Variants in C1QTNF3 observed in about 807,000 individuals in gnomAD.
C1QTNF3 encodes the protein complement C1q tumor necrosis factor-related protein 3.
C1QTNF3 carries 26 observed loss-of-function variants against 32.6 expected under a neutral mutation model. The observed-to-expected ratio is 0.80, with a 90% CI of 0.58 to 1.11. The LOEUF (loss-of-function observed/expected upper bound fraction) is 1.11, where lower values mean the gene tolerates loss of function less well. Ranked by LOEUF, C1QTNF3 falls within the 50% of genes least tolerant of loss-of-function variation. The probability of loss-of-function intolerance (pLI) is 0.00; values close to 1 mark genes in which losing one functional copy is unlikely to be tolerated. For missense variants in C1QTNF3, 362 were observed against 398.2 expected, an observed-to-expected ratio of 0.91 and a Z score of 0.77; for synonymous variants, 155 against 146.0, an observed-to-expected ratio of 1.06 and a Z score of -0.44.
the C1QTNF3 span, among the ~76,000 whole-genome samples, chr5:34,217,678 T>C: frequency 6.6e-6 from 1 of 152,126 alleles, no homozygotes; most frequent in African/African-American, 2.4e-5. Context: ...CAGCTAAAGT[T>C]GGGATTATGT....
the C1QTNF3 span, among the ~76,000 whole-genome samples, chr5:34,109,899 C>T: frequency 6.6e-6 from 1 of 152,410 alleles, no homozygotes; most frequent in African/African-American, 2.4e-5. Context: ...GTCTGCACTT[C>T]CTCACGGTAT....
At chr5:34,159,258 A>T in the C1QTNF3 span, among the ~76,000 whole-genome samples, 1 of 152,128 alleles carries the variant, frequency 6.6e-6, no homozygotes, top group Admixed American at 6.5e-5. Flanking sequence ...AAAAACATAC[A>T]ATAATAGCAA....
At chr5:34,224,724 T>C in the C1QTNF3 span, among the ~76,000 whole-genome samples, 1 of 152,104 alleles carries the variant, frequency 6.6e-6, no homozygotes, top group South Asian at 2.1e-4. Flanking sequence ...GGCATTACCA[T>C]TCAGGACATA....
At chr5:34,172,560 C>T in the C1QTNF3 span, among the ~76,000 whole-genome samples, 1 of 152,090 alleles carries the variant, frequency 6.6e-6, no homozygotes, top group Non-Finnish European at 1.5e-5. Flanking sequence ...CCTCTATGCA[C>T]CTAAGATTCA....
At chr5:34,183,614 G>A in the C1QTNF3 span, among the ~76,000 whole-genome samples, 1 of 150,866 alleles carries the variant, frequency 6.6e-6, no homozygotes, top group East Asian at 2.0e-4. Flanking sequence ...TATTATTAAC[G>A]AATTGCTTCC....
chr5:34,079,402 T>C, the C1QTNF3 span, among the ~76,000 whole-genome samples: 7 of 151,742 alleles, frequency 4.6e-5, no homozygotes, highest in South Asian at 1.5e-3. Flanking sequence ...TTCATATTTT[T>C]TTCATAGTGG....
the C1QTNF3 span, chr5:34,158,111 T>G: frequency 5.3e-5 from 8 of 149,898 alleles, no homozygotes; most frequent in Admixed American, 5.3e-4. Context: ...CTTTTCTTTT[T>G]TTTTTTTTTT....
At chr5:34,213,841 C>T in the C1QTNF3 span, among the ~76,000 whole-genome samples, 2 of 29,576 alleles carry the variant, frequency 6.8e-5, no homozygotes, top group Admixed American at 6.4e-4. Flanking sequence ...GATGGAGTTT[C>T]GCTCTTGCTG....
At chr5:34,163,478 T>C in the C1QTNF3 span, among the ~76,000 whole-genome samples, 1 of 102,166 alleles carries the variant, frequency 9.8e-6, no homozygotes. Context: ...TTTATTATGA[T>C]TGATTATTTT....
At chr5:34,174,892 C>T in the C1QTNF3 span, among the ~76,000 whole-genome samples, 5 of 151,402 alleles carry the variant, frequency 3.3e-5, no homozygotes, top group African/African-American at 4.8e-5. Context: ...GGACTACAGG[C>T]GCCCACCACC....
chr5:34,116,292 A>AT, the C1QTNF3 span, among the ~76,000 whole-genome samples: 2 of 152,132 alleles, frequency 1.3e-5, no homozygotes, highest in Non-Finnish European at 2.9e-5. Flanking sequence ...GTGCACTTTA[A>AT]AAAAGTATGC....
the C1QTNF3 span, among the ~76,000 whole-genome samples, chr5:34,083,889 A>G: frequency 6.6e-6 from 1 of 151,918 alleles, no homozygotes; most frequent in Non-Finnish European, 1.5e-5. Context: ...TTCCATCACA[A>G]TATTTTCACT....
chr5:34,217,616 T>G, the C1QTNF3 span, among the ~76,000 whole-genome samples: 2 of 152,128 alleles, frequency 1.3e-5, no homozygotes, highest in African/African-American at 4.8e-5. Flanking sequence ...CGGCTTATGT[T>G]AATACAGCTA....
intron 4 of C1QTNF3, among the ~76,000 whole-genome samples, chr5:34,025,250 C>T (rs979764786): frequency 6.6e-6 from 1 of 152,134 alleles, no homozygotes; most frequent in Non-Finnish European, 1.5e-5. Context: ...TCACATTTTA[C>T]AAAATTTCCT....
At chr5:34,089,655 C>T in the C1QTNF3 span, among the ~76,000 whole-genome samples, 6 of 152,198 alleles carry the variant, frequency 3.9e-5, no homozygotes, top group African/African-American at 1.4e-4. Flanking sequence ...CTATAGCGTT[C>T]TGCACAGACT....
At chr5:34,190,587 C>A in the C1QTNF3 span, 251,476 of 653,868 alleles carry the variant, frequency 0.38, 61,877 homozygotes, top group African/African-American at 0.77. Context: ...CACTCGCCCC[C>A]AGGGGTGGCT....
the C1QTNF3 span, among the ~76,000 whole-genome samples, chr5:34,132,435 G>GTATA: frequency 0.03 from 4,124 of 136,924 alleles, 98 homozygotes; most frequent in African/African-American, 0.041. Context: ...GTATGTGTAT[G>GTATA]TATATATATA....
chr5:34,035,470 C>A (rs538492608), intron 2 of C1QTNF3, among the ~76,000 whole-genome samples, 177 bp downstream of exon 2: 30 of 152,232 alleles, frequency 2.0e-4, no homozygotes, highest in African/African-American at 6.8e-4. Flanking sequence ...CTGGTCGTTT[C>A]GGACTCAATG....
the C1QTNF3 span, chr5:34,124,251 A>G: frequency 1.4e-5 from 7 of 492,214 alleles, no homozygotes; most frequent in African/African-American, 1.4e-4. Flanking sequence ...GAAAGCTGGT[A>G]AACTTTTTAG....
Sources: allele counts gnomAD v4.1 joint callset (sites outside exome capture counted in the v4.1 genomes callset), GRCh38; gene constraint gnomAD v4.1.1; transcripts MANE v1.5; gene names NCBI Gene and HGNC (gene_info 2026-07-23, HGNC 2026-07-21).